Variants in AFAP1 observed in about 807,000 individuals in gnomAD.
AFAP1 encodes the protein actin filament associated protein 1.
Under a neutral mutation model 93.9 loss-of-function variants are expected in AFAP1, and 75 were observed. That is an observed-to-expected ratio of 0.80 (90% CI 0.66 to 0.97). The LOEUF (loss-of-function observed/expected upper bound fraction) is 0.97, where lower values mean the gene tolerates loss of function less well. AFAP1 is among the 50% of genes least tolerant of loss of function. The pLI is 0.00. For missense variants in AFAP1, 1,201 were observed against 1,050.8 expected, an observed-to-expected ratio of 1.14 and a Z score of -1.98; for synonymous variants, 517 against 430.7, an observed-to-expected ratio of 1.20 and a Z score of -2.48.
chr4:7,789,292 GGA>G (rs1281813492), intron 11 of AFAP1, among the ~76,000 whole-genome samples: 10 of 152,168 alleles, frequency 6.6e-5, no homozygotes, highest in Admixed American at 2.6e-4. Flanking sequence ...ACCAAAACCA[GGA>G]GAGAGTCAAG....
At chr4:7,827,854 G>T (rs926778857) in intron 6 of AFAP1, among the ~76,000 whole-genome samples, 1 of 152,130 alleles carries the variant, frequency 6.6e-6, no homozygotes, top group Non-Finnish European at 1.5e-5. Context: ...TCATCCGAGC[G>T]AGGGAGAAAT....
intron 4 of AFAP1, among the ~76,000 whole-genome samples, chr4:7,851,801 G>A (rs1322828792): frequency 6.6e-6 from 1 of 152,028 alleles, no homozygotes; most frequent in Non-Finnish European, 1.5e-5. Context: ...ACCATCCCTG[G>A]GATATCAGCT....
chr4:7,845,731 T>C (rs979252364), intron 4 of AFAP1, among the ~76,000 whole-genome samples: 1 of 152,004 alleles, frequency 6.6e-6, no homozygotes, highest in Non-Finnish European at 1.5e-5. Context: ...CATCAGCACC[T>C]ACACTCACCA....
chr4:7,851,101 T>C (rs1577294175), intron 4 of AFAP1, among the ~76,000 whole-genome samples: 1 of 152,036 alleles, frequency 6.6e-6, no homozygotes, highest in Non-Finnish European at 1.5e-5. Context: ...AAGGCGAGGG[T>C]GGACCTCTGG....
At chr4:7,881,832 C>A (rs1392694635) in intron 1 of AFAP1, among the ~76,000 whole-genome samples, 2 of 151,734 alleles carry the variant, frequency 1.3e-5, no homozygotes, top group African/African-American at 2.4e-5. Flanking sequence ...ACCACATAAA[C>A]CTGGATCCAC....
rs376790678 is a variant in AFAP1 at position 7,838,581 on chromosome 4, G to A, written c.669C>T (p.Gly223=). ...GGACGGCGAGAACAAGCGGGTCCGT[G>A]CCCTGCTGAGTAATCTTCAGCTCGT... ...KKHELKITQQ[G]TDPLVLAVQS... Residue 223 remains glycine (G), a synonymous_variant, in exon 6 of 18, where the codon GGC becomes GGT. Transcript: ENST00000420658. The A allele has an allele frequency of 1.1e-5, 17 of 1,614,054 alleles. No homozygotes were observed. The East Asian group carries it at 3.1e-4, about 30-fold the overall frequency.
In AFAP1 at chr4:7,891,278, A is replaced by T. The variant is rs142451534; in HGVS notation, c.-2-19198T>A. On this transcript the variant is annotated intron_variant, in intron 1 of 17. Transcript: ENST00000420658. Reference sequence around the variant, plus strand: ...GTTGCCCGGGTCTGTGTCCTGGGAGAGGACTGACAGCAGGGGCTGTGAGTG... The same window carrying T: ...GTTGCCCGGGTCTGTGTCCTGGGAGTGGACTGACAGCAGGGGCTGTGAGTG... Among the ~76,000 whole-genome samples the T allele has an allele frequency of 2.7e-4, 41 of 152,304 alleles. 2 individuals carry two copies. The East Asian group carries it at 7.7e-3, about 29-fold the overall frequency.
At chr4:7,826,247 C>T (rs1161886594) in intron 6 of AFAP1, among the ~76,000 whole-genome samples, 1 of 152,258 alleles carries the variant, frequency 6.6e-6, no homozygotes, top group Non-Finnish European at 1.5e-5. Flanking sequence ...AAGGTCTTTA[C>T]TGGGTATGCA....
intron 6 of AFAP1, among the ~76,000 whole-genome samples, chr4:7,827,220 T>C (rs916742460): frequency 4.0e-5 from 6 of 151,364 alleles, no homozygotes; most frequent in Non-Finnish European, 8.8e-5. Flanking sequence ...CACAACGGAG[T>C]ATCCACAATC....
chr4:7,827,512 G>A (rs541550078), intron 6 of AFAP1, among the ~76,000 whole-genome samples: 15 of 141,656 alleles, frequency 1.1e-4, no homozygotes, highest in South Asian at 4.4e-4. Flanking sequence ...TGGAGGTTGC[G>A]GTGAGCAGAG....
chr4:7,770,776 G>C (rs918873702), intron 16 of AFAP1, among the ~76,000 whole-genome samples: 2 of 152,166 alleles, frequency 1.3e-5, no homozygotes, highest in South Asian at 4.1e-4. Context: ...GGGCGGGACA[G>C]CTCCTCAGAG....
chr4:7,883,021 TA>T (rs1199171258), intron 1 of AFAP1, among the ~76,000 whole-genome samples: 3 of 150,372 alleles, frequency 2.0e-5, no homozygotes, highest in African/African-American at 4.9e-5. Flanking sequence ...CCCATCTCTA[TA>T]AAAAATACAA....
At chr4:7,895,061 A>G (rs1436764869) in intron 1 of AFAP1, among the ~76,000 whole-genome samples, 1 of 152,234 alleles carries the variant, frequency 6.6e-6, no homozygotes, top group Non-Finnish European at 1.5e-5. Flanking sequence ...TTGGTCTCAC[A>G]CACCCGCTTC....
chr4:7,938,958 C>T (rs112934262), intron 1 of AFAP1: 25,401 of 152,014 alleles, frequency 0.17, 2,246 homozygotes, highest in African/African-American at 0.21. Context: ...ACCCGCCGGG[C>T]AGGTGAGAGG....
intron 15 of AFAP1, 149 bp downstream of exon 15, chr4:7,774,590 C>T (rs1388130901): frequency 5.6e-6 from 7 of 1,239,132 alleles, no homozygotes; most frequent in African/African-American, 4.6e-5. Flanking sequence ...GCAATGTTTC[C>T]AAGCCCCAAG....
intron 3 of AFAP1, among the ~76,000 whole-genome samples, chr4:7,857,244 T>A (rs1715172433): frequency 6.6e-6 from 1 of 152,186 alleles, no homozygotes; most frequent in Non-Finnish European, 1.5e-5. Context: ...TGTTGCGTTT[T>A]TTTAATGTAA....
intron 10 of AFAP1, among the ~76,000 whole-genome samples, chr4:7,799,431 TTAGG>T (rs927388798): frequency 6.6e-6 from 1 of 152,190 alleles, no homozygotes; most frequent in African/African-American, 2.4e-5. Context: ...CAGCCGTGGC[TTAGG>T]TCGCAGCCCC....
chr4:7,791,906 A>C (rs531633282), intron 11 of AFAP1, among the ~76,000 whole-genome samples: 2 of 152,220 alleles, frequency 1.3e-5, no homozygotes, highest in Admixed American at 6.5e-5. Flanking sequence ...AACGTGGCAG[A>C]GTGTTCACGT....
At chr4:7,797,627 GACT>G (rs1460882802) in intron 10 of AFAP1, among the ~76,000 whole-genome samples, 11 of 152,176 alleles carry the variant, frequency 7.2e-5, no homozygotes, top group African/African-American at 2.4e-4. Context: ...CGCGGCAGCG[GACT>G]ACAACACACA....
Sources: allele counts gnomAD v4.1 joint callset (sites outside exome capture counted in the v4.1 genomes callset), GRCh38; gene constraint gnomAD v4.1.1; transcripts MANE v1.5; gene names NCBI Gene and HGNC (gene_info 2026-07-23, HGNC 2026-07-21).